IPO11: variants seen among roughly 807,000 people sequenced by gnomAD.
IPO11 encodes importin 11.
A neutral mutation model predicts 143.2 loss-of-function variants in IPO11; 66 were observed. The ratio of observed to expected loss-of-function variants is 0.46; its 90% CI spans 0.38 to 0.57. The LOEUF is 0.57. Among genes scored for constraint, IPO11 ranks in the 20% least tolerant of loss-of-function variants. The probability of loss-of-function intolerance (pLI) is 0.00; values close to 1 mark genes in which losing one functional copy is unlikely to be tolerated. For synonymous variants in IPO11, 385 were observed against 377.8 expected, an observed-to-expected ratio of 1.02 and a Z score of -0.22; for missense variants, 1,026 against 1,141.0, an observed-to-expected ratio of 0.90 and a Z score of 1.45.
chr5:62,424,730 C>T (rs1476409583), intron 1 of IPO11, among the ~76,000 whole-genome samples: 1 of 152,034 alleles, frequency 6.6e-6, no homozygotes, highest in Non-Finnish European at 1.5e-5. Context: ...ACGTGAGCCA[C>T]CACACCCAAT....
rs1418846774 is a variant in IPO11, at chr5:62,506,227, C to T, written c.1666-14C>T. The T allele has an allele frequency of 1.4e-6, 2 of 1,438,674 alleles. No individual in the cohort carries two copies. Among genetic ancestry groups the T allele is most frequent in the Admixed American group, 1.8e-5 (1 of 56,530 alleles). The allele number at this position is 1,438,674 out of a possible 1,614,324, so 89.1% of individuals were successfully genotyped here. A position where few individuals can be genotyped will look rare whatever the true frequency, so the allele number is the denominator to read the frequency against. On this transcript the variant is annotated splice_polypyrimidine_tract_variant and intron_variant, in intron 18 of 29. Coordinates refer to ENST00000325324, the MANE Select transcript of IPO11 (RefSeq NM_016338.5). Reference sequence around the variant, plus strand: ...ATTATAAACCTTTTTTATTTTCTTTCTTTTTACCTGCAGTATTTGGAAACC... The same window carrying T: ...ATTATAAACCTTTTTTATTTTCTTTTTTTTTACCTGCAGTATTTGGAAACC...
intron 27 of IPO11, among the ~76,000 whole-genome samples, chr5:62,589,737 G>A (rs1428030693): frequency 6.6e-6 from 1 of 152,124 alleles, no homozygotes; most frequent in African/African-American, 2.4e-5. Flanking sequence ...CAGAGAACAA[G>A]AGTGACCAGA....
At chr5:62,459,276 C>CA (rs1187078988) in intron 5 of IPO11, among the ~76,000 whole-genome samples, 8 of 152,088 alleles carry the variant, frequency 5.3e-5, no homozygotes, top group African/African-American at 1.9e-4. Context: ...GGTTTGAAAA[C>CA]AAAATGAAAA....
At chr5:62,421,528 A>T (rs910742916) in intron 1 of IPO11, among the ~76,000 whole-genome samples, 13 of 152,200 alleles carry the variant, frequency 8.5e-5, no homozygotes, top group African/African-American at 3.1e-4. Flanking sequence ...CTGGGTGGGG[A>T]CAGGAGACTT....
intron 3 of IPO11, among the ~76,000 whole-genome samples, chr5:62,447,262 G>A (rs1030958571): frequency 3.3e-5 from 5 of 151,952 alleles, no homozygotes; most frequent in Non-Finnish European, 5.9e-5. Context: ...TGTGCCGCCA[G>A]TGGCTAATTT....
At chr5:62,557,260 T>A (rs1405122303) in intron 26 of IPO11, among the ~76,000 whole-genome samples, 1 of 152,130 alleles carries the variant, frequency 6.6e-6, no homozygotes, top group Non-Finnish European at 1.5e-5. Flanking sequence ...CTCAGCTCAC[T>A]GCAACCTCCA....
At chr5:62,559,973 A>G (rs1743717680) in intron 26 of IPO11, among the ~76,000 whole-genome samples, 2 of 149,252 alleles carry the variant, frequency 1.3e-5, no homozygotes, top group South Asian at 4.3e-4. Flanking sequence ...AATTTGTTCA[A>G]GGGGCAGCAA....
rs542964723 is a variant in IPO11, at chr5:62,566,670, A to G, written c.2582+5413A>G. 2.6e-5 allele frequency among the ~76,000 whole-genome samples: 4 copies of G among 151,562 alleles called. No homozygotes were observed. In the East Asian group the frequency reaches 5.8e-4, roughly 22 times the overall value. ...TAAGAATCACTTGAATCCAGGAGACAGAGGTTGCAGTGAGCCAAAATCGTA... is the reference window on the plus strand; with the variant it reads ...TAAGAATCACTTGAATCCAGGAGACGGAGGTTGCAGTGAGCCAAAATCGTA... On this transcript the variant is annotated intron_variant, in intron 27 of 29. Transcript: ENST00000325324.
intron 22 of IPO11, among the ~76,000 whole-genome samples, chr5:62,533,901 T>TA (rs797013291): frequency 1.0e-3 from 152 of 151,902 alleles, no homozygotes; most frequent in African/African-American, 3.5e-3. Flanking sequence ...AGTGAGCTGT[T>TA]ACTCTGCTCT....
rs573944180 is a variant in IPO11 at position 62,538,983 on chromosome 5, A to G, written c.2250+1694A>G. ...GATTTACATTTTAAAACTAACATTT[A>G]AAACGTATTTTTGTGTCTGTAAATT... On this transcript the variant is annotated intron_variant, in intron 24 of 29. Coordinates refer to ENST00000325324, the MANE Select transcript of IPO11 (RefSeq NM_016338.5). 3.3e-5 allele frequency among the ~76,000 whole-genome samples: 5 copies of G among 152,304 alleles called. No homozygotes were observed. The South Asian group carries it at 1.0e-3, about 32-fold the overall frequency.
chr5:62,525,057 C>T (rs1285735743), intron 20 of IPO11, among the ~76,000 whole-genome samples: 1 of 152,174 alleles, frequency 6.6e-6, no homozygotes, highest in African/African-American at 2.4e-5. Flanking sequence ...AACTTCTCTT[C>T]TTCTTCCATC....
intron 12 of IPO11, among the ~76,000 whole-genome samples, chr5:62,485,717 G>C (rs944197279): frequency 6.6e-6 from 1 of 151,820 alleles, no homozygotes; most frequent in Non-Finnish European, 1.5e-5. Flanking sequence ...CAGAGTGGTG[G>C]CGCATACCTG....
intron 7 of IPO11, 53 bp from the exon 8 acceptor site, chr5:62,474,362 AG>A: frequency 9.2e-7 from 1 of 1,085,924 alleles, no homozygotes; most frequent in Non-Finnish European, 1.3e-6. Context: ...AAAAGATACA[AG>A]GTAAATGTTT....
chr5:62,463,004 T>G (rs531690717), intron 5 of IPO11, among the ~76,000 whole-genome samples: 61 of 152,172 alleles, frequency 4.0e-4, no homozygotes, highest in African/African-American at 1.0e-3. Flanking sequence ...ACACATATAT[T>G]ACTTATATGT....
Position 62,499,529 on chromosome 5 carries a change from A to G in IPO11, c.1591-5138A>G, listed in dbSNP as rs550158885. 2.1e-5 allele frequency among the ~76,000 whole-genome samples: 3 copies of G among 142,826 alleles called. No homozygotes were observed. In the South Asian group the frequency reaches 6.6e-4, roughly 31 times the overall value. The allele number at this position is 142,826 out of a possible 152,430, so 93.7% of individuals were successfully genotyped here. ...GGCTACACTAAATATATTGGGAAATATTCTTTCTTCAACAATAAATTAACC... is the reference window on the plus strand; with the variant it reads ...GGCTACACTAAATATATTGGGAAATGTTCTTTCTTCAACAATAAATTAACC... On this transcript the variant is annotated intron_variant, in intron 16 of 29. Coordinates refer to ENST00000325324, the MANE Select transcript of IPO11 (RefSeq NM_016338.5).
intron 24 of IPO11, among the ~76,000 whole-genome samples, chr5:62,539,697 C>CTAG (rs1488058536): frequency 6.6e-6 from 1 of 152,186 alleles, no homozygotes; most frequent in Non-Finnish European, 1.5e-5. Flanking sequence ...AAGTATTCTC[C>CTAG]TAGCTCCAAA....
intron 5 of IPO11, among the ~76,000 whole-genome samples, chr5:62,454,750 G>A (rs1024146691): frequency 6.6e-6 from 1 of 152,198 alleles, no homozygotes; most frequent in Non-Finnish European, 1.5e-5. Context: ...ATTCACTACA[G>A]TGTAGCTTTT....
At chr5:62,550,955 CAAA>C (rs34222825) in intron 25 of IPO11, among the ~76,000 whole-genome samples, 3 of 77,038 alleles carry the variant, frequency 3.9e-5, no homozygotes, top group Non-Finnish European at 5.4e-5. Context: ...AACTCCATCT[CAAA>C]AAAAAAAAAA....
intron 1 of IPO11, among the ~76,000 whole-genome samples, chr5:62,421,768 A>G (rs930385308): frequency 6.6e-6 from 1 of 152,264 alleles, no homozygotes; most frequent in Non-Finnish European, 1.5e-5. Context: ...AATGTAGAAT[A>G]GTGATTAACT....
Sources: allele counts gnomAD v4.1 joint callset (sites outside exome capture counted in the v4.1 genomes callset), GRCh38; gene constraint gnomAD v4.1.1; transcripts MANE v1.5; gene names NCBI Gene and HGNC (gene_info 2026-07-23, HGNC 2026-07-21).